The following KREMEN1 variants were observed in gnomAD, a reference collection of about 807,000 sequenced individuals.
The protein encoded by KREMEN1 is kringle containing transmembrane protein 1, also known as kremen protein 1.
In KREMEN1, 30 loss-of-function variants were observed where a neutral mutation model predicts 46.5. That is an observed-to-expected ratio of 0.65 (90% CI 0.48 to 0.88). The LOEUF (loss-of-function observed/expected upper bound fraction) is 0.88, where lower values mean the gene tolerates loss of function less well. Among genes scored for constraint, KREMEN1 ranks in the 40% least tolerant of loss-of-function variants. The probability of loss-of-function intolerance (pLI) is 0.00; values close to 1 mark genes in which losing one functional copy is unlikely to be tolerated. For missense variants in KREMEN1, 533 were observed against 596.9 expected, an observed-to-expected ratio of 0.89 and a Z score of 1.11; for synonymous variants, 214 against 230.6, an observed-to-expected ratio of 0.93 and a Z score of 0.65.
chr22:29,142,377 C>A lies in KREMEN1; in HGVS notation c.*265C>A. 8.6e-7 allele frequency: 1 copy of A among 1,159,890 alleles called. No individual in the cohort carries two copies. Among genetic ancestry groups the A allele is most frequent in the African/African-American group, 1.6e-5 (1 of 63,050 alleles). 71.8% of individuals were successfully genotyped at this position (1,159,890 alleles called of 1,614,324 possible). On this transcript the variant is annotated 3_prime_UTR_variant, in exon 9 of 9. Coordinates refer to ENST00000400335, the MANE Select transcript of KREMEN1 (RefSeq NM_001039570.3). ...GGCCCTCTCTGCATCTCTCTCTGAT[C>A]TAGCTAGCAGTGGGGGTGTCAGGAC...
chr22:29,121,252 T>C, intron 3 of KREMEN1, 105 bp from the exon 4 acceptor site: 2 of 1,335,670 alleles, frequency 1.5e-6, no homozygotes, highest in Non-Finnish European at 2.1e-6. Context: ...ACCTCAGGAG[T>C]GGAAATACTG....
rs753356289 is a variant in KREMEN1, at chr22:29,141,939, G to A, written c.1209-5G>A. On this transcript the variant is annotated splice_polypyrimidine_tract_variant and splice_region_variant and intron_variant, in intron 8 of 8. Coordinates refer to ENST00000400335, the MANE Select transcript of KREMEN1 (RefSeq NM_001039570.3). ...TATTGGAAAAAATATTTATCTGCTT[G>A]ACAGATCCCATCGTGTTCCTGCTTC... 40 of 1,588,030 alleles carry A rather than the reference G, an allele frequency of 2.5e-5. 1 individual carries two copies. In the Admixed American group the frequency reaches 6.4e-4, roughly 26 times the overall value.
At chr22:29,141,032 C>G (rs896320489) in intron 8 of KREMEN1, among the ~76,000 whole-genome samples, 3 of 152,152 alleles carry the variant, frequency 2.0e-5, no homozygotes, top group Non-Finnish European at 2.9e-5. Flanking sequence ...TTCACAGCCT[C>G]CCTGAAAATG....
chr22:29,117,158 T>C (rs1242469636), intron 3 of KREMEN1, among the ~76,000 whole-genome samples: 1 of 152,188 alleles, frequency 6.6e-6, no homozygotes, highest in Non-Finnish European at 1.5e-5. Context: ...TCTGTGTGTG[T>C]GTGTGTACAT....
intron 2 of KREMEN1, among the ~76,000 whole-genome samples, chr22:29,096,236 G>A (rs1035554545): frequency 9.2e-5 from 14 of 152,106 alleles, no homozygotes; most frequent in African/African-American, 3.1e-4. Context: ...TTTGGTTTTT[G>A]TTTTTCCATA....
chr22:29,114,767 A>G (rs1394104366), intron 3 of KREMEN1, among the ~76,000 whole-genome samples: 1 of 152,222 alleles, frequency 6.6e-6, no homozygotes, highest in Non-Finnish European at 1.5e-5. Context: ...AACATAAAAA[A>G]GCACACCAGT....
rs2038781312 is a variant in KREMEN1, at chr22:29,142,553, A to G, written c.*441A>G. On this transcript the variant is annotated 3_prime_UTR_variant, in exon 9 of 9. Coordinates refer to ENST00000400335, the MANE Select transcript of KREMEN1 (RefSeq NM_001039570.3). ...CACAAATCAGTTTCTCCTGATCTTT[A>G]TGTCTTGGAACAGGGCCAGACAGGG... is the stretch of plus-strand genomic sequence containing the variant. 5 of 986,480 alleles carry G rather than the reference A, an allele frequency of 5.1e-6. No homozygotes were observed. The highest frequency in any genetic ancestry group is 6.0e-6 in the Non-Finnish European group (5 of 830,708). 61.1% of individuals were successfully genotyped at this position (986,480 alleles called of 1,614,324 possible). A position where few individuals can be genotyped will look rare whatever the true frequency, so the allele number is the denominator to read the frequency against.
chr22:29,141,894 T>G, intron 8 of KREMEN1, 50 bp from the exon 9 acceptor site: 1 of 1,404,406 alleles, frequency 7.1e-7, no homozygotes, highest in Non-Finnish European at 9.7e-7. Flanking sequence ...AGATGGTAGG[T>G]TGTTTGCGTT....
At chr22:29,091,463 T>C (rs1277477049) in intron 1 of KREMEN1, among the ~76,000 whole-genome samples, 2 of 152,222 alleles carry the variant, frequency 1.3e-5, no homozygotes. Flanking sequence ...TTTATTTTTA[T>C]CCTATATATT....
At chr22:29,153,832 A>G (rs1260058177) in intron 9 of KREMEN1, among the ~76,000 whole-genome samples, 2 of 152,036 alleles carry the variant, frequency 1.3e-5, no homozygotes, top group African/African-American at 4.8e-5. Context: ...GATACAAAAA[A>G]ATCAGCCTGG....
At chr22:29,158,447 C>T (rs568435355) in intron 9 of KREMEN1, among the ~76,000 whole-genome samples, 29 of 152,180 alleles carry the variant, frequency 1.9e-4, no homozygotes, top group Admixed American at 4.6e-4. Context: ...ACATGGGGCA[C>T]GGGGAATTCT....
chr22:29,132,540 T>C (rs1471180382), intron 5 of KREMEN1, among the ~76,000 whole-genome samples: 4 of 152,244 alleles, frequency 2.6e-5, no homozygotes, highest in Admixed American at 2.0e-4. Context: ...ACAGATACTT[T>C]TGTATGATCT....
rs755909053 is a variant in KREMEN1 at position 29,137,583 on chromosome 22, T to C, written c.873T>C (p.Pro291=). The C allele has an allele frequency of 7.4e-6, 12 of 1,613,788 alleles. No homozygotes were observed. The highest frequency in any genetic ancestry group is 1.0e-5 in the Non-Finnish European group (12 of 1,179,662). ...LARFHGRSRP[P]LSFNVSLDFV... ...GCTTCCACGGGAGGAGCCGCCCACC[T>C]CTGTCCTTCAACGTCTCTCTGGACT... The change falls in exon 6 of 9, where the codon CCT becomes CCC. Residue 291 remains proline, a synonymous_variant. Transcript: ENST00000400335.
chr22:29,125,462 T>C (rs1306974378), intron 5 of KREMEN1, 46 bp downstream of exon 5: 2 of 1,600,288 alleles, frequency 1.2e-6, no homozygotes, highest in African/African-American at 2.7e-5. Context: ...CAGGAACCCT[T>C]GGACCAGAGC....
chr22:29,121,015 A>G (rs371705986), intron 3 of KREMEN1, among the ~76,000 whole-genome samples: 4 of 152,096 alleles, frequency 2.6e-5, no homozygotes, highest in Non-Finnish European at 5.9e-5. Context: ...ACTCTGAAAC[A>G]TAATTTACAT....
intron 3 of KREMEN1, among the ~76,000 whole-genome samples, chr22:29,111,183 T>G (rs915865149): frequency 4.0e-5 from 6 of 151,788 alleles, no homozygotes; most frequent in African/African-American, 1.4e-4. Flanking sequence ...TAGTACACAC[T>G]GGTAGTCCCA....
chr22:29,084,020 G>A (rs1405333361), intron 1 of KREMEN1, among the ~76,000 whole-genome samples: 2 of 152,148 alleles, frequency 1.3e-5, no homozygotes. Flanking sequence ...GAGATTTCCG[G>A]GAAGGGGGTG....
chr22:29,161,960 A>G (rs2039015349), intron 9 of KREMEN1, among the ~76,000 whole-genome samples: 1 of 151,946 alleles, frequency 6.6e-6, no homozygotes, highest in African/African-American at 2.4e-5. Context: ...TACTAAAAAT[A>G]CAAAAAAATT....
At chr22:29,156,933 G>A (rs2038967703) in intron 9 of KREMEN1, among the ~76,000 whole-genome samples, 1 of 152,194 alleles carries the variant, frequency 6.6e-6, no homozygotes, top group East Asian at 1.9e-4. Context: ...GAGAAATAAA[G>A]CCTGTGCTGC....
Sources: gnomAD v4.1 joint callset for allele counts (sites outside exome capture counted in the v4.1 genomes callset) on GRCh38, gnomAD v4.1.1 for gene constraint, MANE v1.5 for transcripts, NCBI Gene and HGNC (gene_info 2026-07-23, HGNC 2026-07-21) for gene names.